ZFHX3: variants seen among roughly 807,000 people sequenced by gnomAD.
ZFHX3 encodes zinc finger homeobox 3, also known as zinc finger homeobox protein 3.
ZFHX3 carries 42 observed loss-of-function variants against 279.1 expected under a neutral mutation model. The observed-to-expected ratio is 0.15, with a 90% confidence interval of 0.12 to 0.19. The LOEUF (loss-of-function observed/expected upper bound fraction) is 0.19. ZFHX3 is among the 10% of genes least tolerant of loss of function. The pLI is 1.00. For synonymous variants in ZFHX3, 2,293 were observed against 1,957.8 expected, an observed-to-expected ratio of 1.17 and a Z score of -4.52; for missense variants, 4,981 against 4,754.0, an observed-to-expected ratio of 1.05 and a Z score of -1.40.
In ZFHX3 at chr16:73,617,949, A is replaced by G. The variant is rs146616490; in HGVS notation, c.-1547+62231T>C. Among the ~76,000 whole-genome samples, 1,307 of 152,238 alleles carry G rather than the reference A, an allele frequency of 8.6e-3. 8 individuals carry two copies. The highest frequency in any genetic ancestry group is 0.024 in the Middle Eastern group (7 of 294). Reference sequence around the variant, plus strand: ...GTTGACTCCCAAGGCAGTGCTACCCATGAACCTCTGGCTCTGCACATTGGC... The same window carrying G: ...GTTGACTCCCAAGGCAGTGCTACCCGTGAACCTCTGGCTCTGCACATTGGC... On this transcript the variant is annotated intron_variant, in intron 2 of 17. Coordinates refer to the ZFHX3 transcript ENST00000641206.
At position 73,276,725 on chromosome 16, in the gene ZFHX3, T is replaced by C. The variant is rs534621546; in HGVS notation, c.-1193-19589A>G. Among the ~76,000 whole-genome samples, 4 of 152,330 alleles carry C rather than the reference T, an allele frequency of 2.6e-5. No individual in the cohort carries two copies. The South Asian group carries it at 8.3e-4, about 32-fold the overall frequency. On this transcript the variant is annotated intron_variant, in intron 4 of 17. Coordinates refer to the ZFHX3 transcript ENST00000641206. The stretch of plus-strand genomic sequence containing the variant: ...TATTTCTGCTGTGGTTATTTTCTTA[T>C]TTTTTCAAAAGTAGAAATGCTTTCA...
At chr16:73,349,026 G>T (rs999708203) in intron 3 of ZFHX3, among the ~76,000 whole-genome samples, 1 of 152,220 alleles carries the variant, frequency 6.6e-6, no homozygotes, top group Non-Finnish European at 1.5e-5. Context: ...ACAGGAACTT[G>T]TGTGTCTCAG....
intron 4 of ZFHX3, among the ~76,000 whole-genome samples, chr16:72,846,548 C>A (rs2037485147): frequency 6.6e-6 from 1 of 152,236 alleles, no homozygotes; most frequent in South Asian, 2.1e-4. Flanking sequence ...TTCCTCTGGG[C>A]ACATATGGTC....
At chr16:73,511,464 G>T (rs913819416) in intron 2 of ZFHX3, among the ~76,000 whole-genome samples, 4 of 152,214 alleles carry the variant, frequency 2.6e-5, no homozygotes, top group African/African-American at 4.8e-5. Flanking sequence ...AAGTGATAAA[G>T]TATGAGCAGA....
chr16:73,231,777 C>A (rs375483033), intron 5 of ZFHX3, among the ~76,000 whole-genome samples: 2 of 152,276 alleles, frequency 1.3e-5, no homozygotes, highest in Non-Finnish European at 2.9e-5. Context: ...CTCCTGTATT[C>A]TTTTCTCTCT....
chr16:73,065,662 T>C (rs1291329198), intron 8 of ZFHX3, among the ~76,000 whole-genome samples: 2 of 151,002 alleles, frequency 1.3e-5, no homozygotes, highest in Non-Finnish European at 3.0e-5. Context: ...AGATTCCCAG[T>C]CCTCGTCCTC....
intron 2 of ZFHX3, among the ~76,000 whole-genome samples, chr16:73,664,262 A>G (rs1345525529): frequency 6.6e-6 from 1 of 152,150 alleles, no homozygotes; most frequent in African/African-American, 2.4e-5. Context: ...AAATCTTGAG[A>G]TGGGCTAGCA....
intron 1 of ZFHX3, among the ~76,000 whole-genome samples, chr16:73,046,908 G>C: frequency 7.8e-6 from 1 of 128,890 alleles, no homozygotes; most frequent in Non-Finnish European, 1.6e-5. Context: ...GGTGGGGGGA[G>C]GGATGACCCT....
chr16:73,579,717 T>C (rs1392984603), intron 2 of ZFHX3, among the ~76,000 whole-genome samples: 1 of 150,176 alleles, frequency 6.7e-6, no homozygotes, highest in Non-Finnish European at 1.5e-5. Context: ...TTAGCCAGGA[T>C]GGTCTCGATC....
intron 3 of ZFHX3, among the ~76,000 whole-genome samples, chr16:72,900,379 C>T (rs1014424474): frequency 1.3e-5 from 2 of 152,200 alleles, no homozygotes; most frequent in Admixed American, 6.5e-5. Context: ...CAGAAAAAAA[C>T]ACGTGTCTAC....
chr16:73,033,967 G>A (rs759226349), intron 1 of ZFHX3, among the ~76,000 whole-genome samples: 2 of 152,156 alleles, frequency 1.3e-5, no homozygotes, highest in Admixed American at 6.5e-5. Flanking sequence ...TCACAGTGGC[G>A]CTTTCTGCTA....
chr16:73,703,374 C>A (rs1418148929), intron 1 of ZFHX3, among the ~76,000 whole-genome samples: 3 of 151,792 alleles, frequency 2.0e-5, no homozygotes, highest in East Asian at 3.9e-4. Flanking sequence ...AAATAACAAC[C>A]CACCTAAAGA....
chr16:73,574,701 T>A (rs2051781808), intron 2 of ZFHX3, among the ~76,000 whole-genome samples: 1 of 152,160 alleles, frequency 6.6e-6, no homozygotes, highest in Admixed American at 6.5e-5. Flanking sequence ...CACCTCTGTT[T>A]TCTGCATCTT....
In ZFHX3 at chr16:73,027,436, G is replaced by A. The variant is rs182312414; in HGVS notation, c.-50+20316C>T. ...AGCAATACAGCTTGCGCATGCAGGC[G>A]GGGTGTTCAAACTTCTCTAGAAAAC... On this transcript the variant is annotated intron_variant, in intron 1 of 9. Coordinates refer to ENST00000268489, the MANE Select transcript of ZFHX3 (RefSeq NM_006885.4). 3.9e-5 allele frequency among the ~76,000 whole-genome samples: 6 copies of A among 152,266 alleles called. No individual in the cohort carries two copies. The East Asian group carries it at 5.8e-4, about 15-fold the overall frequency.
At chr16:73,439,980 C>A (rs975580125) in intron 3 of ZFHX3, among the ~76,000 whole-genome samples, 2 of 145,056 alleles carry the variant, frequency 1.4e-5, no homozygotes, top group South Asian at 4.4e-4. Context: ...AAAGAGGTTA[C>A]GGTGTAGGCA....
intron 2 of ZFHX3, among the ~76,000 whole-genome samples, chr16:73,661,160 G>C (rs1191579933): frequency 6.6e-6 from 1 of 152,082 alleles, no homozygotes; most frequent in Non-Finnish European, 1.5e-5. Context: ...GGAAATAAAG[G>C]GTCCGGTTTC....
chr16:73,640,746 G>A (rs1442605438), intron 2 of ZFHX3, among the ~76,000 whole-genome samples: 1 of 151,974 alleles, frequency 6.6e-6, no homozygotes. Context: ...CCAAAAGAGA[G>A]AATAAACGAA....
intron 2 of ZFHX3, among the ~76,000 whole-genome samples, chr16:73,505,420 C>T (rs996440902): frequency 1.3e-5 from 2 of 152,092 alleles, no homozygotes; most frequent in African/African-American, 4.8e-5. Context: ...CCCCCTACCC[C>T]CTTCAATGAT....
chr16:73,454,683 G>A (rs2018341006), intron 3 of ZFHX3, among the ~76,000 whole-genome samples: 1 of 151,690 alleles, frequency 6.6e-6, no homozygotes, highest in African/African-American at 2.4e-5. Context: ...CCCAGTTAGG[G>A]TATCACCCCC....
Sources: allele counts gnomAD v4.1 joint callset (sites outside exome capture counted in the v4.1 genomes callset), GRCh38; gene constraint gnomAD v4.1.1; transcripts MANE v1.5; gene names NCBI Gene and HGNC (gene_info 2026-07-23, HGNC 2026-07-21).